GDNF: variants seen among roughly 807,000 people sequenced by gnomAD.
GDNF encodes the protein glial cell derived neurotrophic factor, also known as glial cell line-derived neurotrophic factor.
In GDNF, 5 loss-of-function variants were observed where a neutral mutation model predicts 13.7. The observed-to-expected ratio is 0.36, with a 90% CI of 0.19 to 0.77. The LOEUF (loss-of-function observed/expected upper bound fraction) is 0.77. Among genes scored for constraint, GDNF ranks in the 30% least tolerant of loss-of-function variants. The pLI is 0.51. For missense variants in GDNF, 246 were observed against 274.3 expected (o/e 0.90, Z 0.73); for synonymous variants, 122 against 112.5 (o/e 1.08, Z -0.53).
At chr5:37,830,849 T>C (rs111569106) in intron 2 of GDNF, among the ~76,000 whole-genome samples, 23 of 152,300 alleles carry the variant, frequency 1.5e-4, no homozygotes, top group African/African-American at 4.8e-4. Context: ...AAGGCTGGGG[T>C]CCAAATCCTA....
At chr5:37,826,540 C>T (rs1012069466) in intron 2 of GDNF, among the ~76,000 whole-genome samples, 1 of 152,172 alleles carries the variant, frequency 6.6e-6, no homozygotes, top group African/African-American at 2.4e-5. Context: ...TGAGCTCTTC[C>T]GTGTTCCTCA....
intron 1 of GDNF, 80 bp from the exon 2 acceptor site, chr5:37,834,902 C>A: frequency 7.7e-7 from 1 of 1,294,542 alleles, no homozygotes; most frequent in Non-Finnish European, 1.1e-6. Flanking sequence ...CCCTGCGCCC[C>A]TCTCCAACCT....
Position 37,827,208 on chromosome 5 carries a change from TA to T in GDNF, c.151+7437del, listed in dbSNP as rs768949479. Among the ~76,000 whole-genome samples the T allele has an allele frequency of 2.6e-3, 371 of 142,054 alleles. 2 individuals carry two copies. Among genetic ancestry groups the T allele is most frequent in the African/African-American group, 5.8e-3 (225 of 38,870 alleles). 93.2% of individuals were successfully genotyped at this position (142,054 alleles called of 152,430 possible). ...AAATGCAATTTATGGTCCTGGGTTT[TA>T]AAAAAAAAAAAACAAAACATAAAGG... is the stretch of plus-strand genomic sequence containing the variant. On this transcript the variant is annotated intron_variant, in intron 2 of 2. Coordinates refer to ENST00000326524, the MANE Select transcript of GDNF (RefSeq NM_000514.4).
At chr5:37,830,612 G>A (rs752745233) in intron 2 of GDNF, among the ~76,000 whole-genome samples, 11 of 152,268 alleles carry the variant, frequency 7.2e-5, no homozygotes, top group Non-Finnish European at 1.5e-4. Context: ...ATGTCGTAGC[G>A]GAAGAAGTGA....
chr5:37,815,602 C>T lies in GDNF; in HGVS notation c.*49G>A, dbSNP rs1248929088. On this transcript the variant is annotated 3_prime_UTR_variant, in exon 3 of 3. Transcript: ENST00000326524. The surrounding 1 kb of genome is among the most constrained non-coding windows in gnomAD (Gnocchi z 5.0). ...ATTTCCTGGGAACCTTGGTCCCTTT[C>T]TTTGCACTGTAGCAGGAATGCAATA... 8.8e-6 allele frequency: 14 copies of T among 1,584,720 alleles called. No individual in the cohort carries two copies. The highest frequency in any genetic ancestry group is 1.2e-5 in the Non-Finnish European group (14 of 1,154,060).
chr5:37,827,342 AG>A (rs1024111694), intron 2 of GDNF, among the ~76,000 whole-genome samples: 3 of 152,262 alleles, frequency 2.0e-5, no homozygotes, highest in African/African-American at 7.2e-5. Context: ...TGGCTATATA[AG>A]ACATTGTCCT....
rs1750841583 is a variant in GDNF at position 37,839,983 on chromosome 5, A to G, written c.-503T>C. The G allele has an allele frequency of 1.3e-5, 2 of 151,328 alleles. No homozygotes were observed. The highest frequency in any genetic ancestry group is 1.5e-5 in the Non-Finnish European group (1 of 68,012). 9.4% of individuals were successfully genotyped at this position (151,328 alleles called of 1,614,324 possible). ...TCTTGCCTGGAGATCCGAACGAGAC[A>G]CCACGTCAACCGGCGCGGGGAGTCC... is the stretch of plus-strand genomic sequence containing the variant. On this transcript the variant is annotated 5_prime_UTR_variant, in exon 1 of 3. Transcript: ENST00000326524. The surrounding 1 kb of genome is among the most constrained non-coding windows in gnomAD (Gnocchi z 5.5).
chr5:37,822,323 G>A (rs976343528), intron 2 of GDNF, among the ~76,000 whole-genome samples: 2 of 152,212 alleles, frequency 1.3e-5, no homozygotes, highest in African/African-American at 4.8e-5. Context: ...TTCTTGCTGT[G>A]GGGAGAACAG....
intron 2 of GDNF, among the ~76,000 whole-genome samples, chr5:37,818,114 C>T (rs927690999): frequency 6.6e-6 from 1 of 152,212 alleles, no homozygotes; most frequent in Non-Finnish European, 1.5e-5. Context: ...GCACCACTGA[C>T]CTTTTCGGCT....
At position 37,816,065 on chromosome 5, in the gene GDNF, T is replaced by C. The variant is rs139694199; in HGVS notation, c.222A>G (p.Arg74=). The change falls in exon 3 of 3, where the codon AGA becomes AGG. Residue 74 remains arginine, a synonymous_variant. Coordinates refer to ENST00000326524, the MANE Select transcript of GDNF (RefSeq NM_000514.4). ...VMDFIQATIK[R]LKRSPDKQMA... Reference sequence around the variant, plus strand: ...TTTGTTTATCTGGTGACCTTTTCAGTCTTTTAATGGTGGCTTGAATAAAAT... The same window carrying C: ...TTTGTTTATCTGGTGACCTTTTCAGCCTTTTAATGGTGGCTTGAATAAAAT... The C allele has an allele frequency of 2.2e-5, 36 of 1,613,632 alleles. No homozygotes were observed. The African/African-American group carries it at 4.3e-4, about 19-fold the overall frequency.
intron 2 of GDNF, 60 bp downstream of exon 2, chr5:37,834,586 C>A: frequency 7.9e-7 from 1 of 1,271,022 alleles, no homozygotes; most frequent in East Asian, 3.3e-5. Context: ...GGGCTGGCTG[C>A]GGGTGGGGGT....
intron 2 of GDNF, among the ~76,000 whole-genome samples, chr5:37,833,270 C>A (rs1028843380): frequency 6.6e-6 from 1 of 152,124 alleles, no homozygotes; most frequent in African/African-American, 2.4e-5. Flanking sequence ...GAAGACCCGG[C>A]ACTAAGGGGC....
At chr5:37,834,572 T>C in intron 2 of GDNF, 74 bp downstream of exon 2, 5 of 1,284,790 alleles carry the variant, frequency 3.9e-6, no homozygotes, top group Non-Finnish European at 5.2e-6. Flanking sequence ...TTGGGGTACG[T>C]GCGGGGCTGG....
rs560167514 is a variant in GDNF, at chr5:37,817,418, GA to G, written c.152-1284del. ...AAGTGGCTTAGAGAAATAAACCAAA[GA>G]AGAGTTGTCAGCAAGAGTAAATGTT... is the stretch of plus-strand genomic sequence containing the variant. On this transcript the variant is annotated intron_variant, in intron 2 of 2. Transcript: ENST00000326524. Among the ~76,000 whole-genome samples, 7 of 152,260 alleles carry G rather than the reference GA, an allele frequency of 4.6e-5. No homozygotes were observed. The South Asian group carries it at 1.2e-3, about 27-fold the overall frequency.
At chr5:37,831,854 T>C (rs1240830664) in intron 2 of GDNF, among the ~76,000 whole-genome samples, 1 of 151,108 alleles carries the variant, frequency 6.6e-6, no homozygotes, top group East Asian at 1.9e-4. Context: ...AATAAACAAA[T>C]AAAGATAGCA....
In GDNF at chr5:37,837,485, A is replaced by G. The variant is rs1750749696; in HGVS notation, c.-27+2022T>C. Among the ~76,000 whole-genome samples the G allele has an allele frequency of 6.6e-6, 1 of 152,064 alleles. No individual in the cohort carries two copies. ...TGTGGGTCCCCAGGCCTGGGGAGGC[A>G]AGGACGCCCAGGAAAGCCACAGAAG... On this transcript the variant is annotated intron_variant, in intron 1 of 2. Transcript: ENST00000326524. The surrounding 1 kb of genome is among the most constrained non-coding windows in gnomAD (Gnocchi z 6.5).
chr5:37,833,770 T>C (rs1581590648), intron 2 of GDNF, among the ~76,000 whole-genome samples: 1 of 152,208 alleles, frequency 6.6e-6, no homozygotes, highest in East Asian at 1.9e-4. Flanking sequence ...TTTCTATTGC[T>C]ATCTTTGTTG....
intron 2 of GDNF, among the ~76,000 whole-genome samples, chr5:37,823,769 C>G (rs923115747): frequency 6.6e-6 from 1 of 152,226 alleles, no homozygotes; most frequent in Admixed American, 6.5e-5. Context: ...CTTAACCCTT[C>G]TGAGGTCAAC....
chr5:37,834,703 G>A lies in GDNF; in HGVS notation c.94C>T (p.Pro32Ser), dbSNP rs1201470969. 2 of 1,610,076 alleles carry A rather than the reference G, an allele frequency of 1.2e-6. No homozygotes were observed. Among genetic ancestry groups the A allele is most frequent in the Non-Finnish European group, 1.7e-6 (2 of 1,178,574 alleles). ...LPAGKRPPEA[P>S]AEDRSLGRRR... ...CGGCCGAGGGAGCGGTCTTCGGCGG[G>A]CGCCTCGGGAGGCCTCTTACCGGCG... The change falls in exon 2 of 3, where the codon CCC becomes TCC. Residue 32 changes from proline to serine, a missense_variant. Coordinates refer to ENST00000326524, the MANE Select transcript of GDNF (RefSeq NM_000514.4).
Sources: allele counts gnomAD v4.1 joint callset (sites outside exome capture counted in the v4.1 genomes callset), GRCh38; gene constraint gnomAD v4.1.1; non-coding constraint Gnocchi (gnomAD v3.1); transcripts MANE v1.5; gene names NCBI Gene and HGNC (gene_info 2026-07-23, HGNC 2026-07-21).